Variants in WDR72 observed in about 807,000 individuals in gnomAD.
WDR72 encodes the protein WD repeat-containing protein 72.
Under a neutral mutation model 124.2 loss-of-function variants are expected in WDR72, and 120 were observed. The ratio of observed to expected loss-of-function variants is 0.97; its 90% CI spans 0.83 to 1.12. The LOEUF is 1.12. WDR72 is among the 50% of genes most tolerant of loss of function. WDR72 has a pLI of 0.00. For synonymous variants in WDR72, 452 were observed against 441.7 expected (o/e 1.02, Z -0.29); for missense variants, 1,387 against 1,278.8 (o/e 1.08, Z -1.29).
intron 12 of WDR72, among the ~76,000 whole-genome samples, chr15:53,701,409 T>C (rs1413358491): frequency 6.6e-6 from 1 of 151,924 alleles, no homozygotes; most frequent in African/African-American, 2.4e-5. Context: ...GTAGCTGGAC[T>C]ACATGCCTGT....
rs67873847 is a variant in WDR72 at position 53,591,685 on chromosome 15, A to AACAC, written c.3148+5390_3148+5393dup. On this transcript the variant is annotated intron_variant, in intron 18 of 19. Transcript: ENST00000360509. ...ACACATATATACATACAACACACAC[A>AACAC]ACACACACACACACACACACACACA... is the stretch of plus-strand genomic sequence containing the variant. 4.0e-3 allele frequency among the ~76,000 whole-genome samples: 596 copies of AACAC among 148,982 alleles called. 1 individual carries two copies. Among genetic ancestry groups the AACAC allele is most frequent in the East Asian group, 9.2e-3 (45 of 4,892 alleles).
chr15:53,588,584 G>C (rs1265022534), intron 18 of WDR72, among the ~76,000 whole-genome samples: 2 of 151,890 alleles, frequency 1.3e-5, no homozygotes, highest in Non-Finnish European at 2.9e-5. Flanking sequence ...CATTCTGATG[G>C]GAATGGGATA....
rs552252764 is a variant in WDR72 at position 53,697,133 on chromosome 15, C to T, written c.1765+2617G>A. On this transcript the variant is annotated intron_variant, in intron 13 of 19. Coordinates refer to ENST00000360509, the MANE Select transcript of WDR72 (RefSeq NM_182758.4). ...CTAAACCTATGCATACTGTTTGATACGGAAATTCTAAAACAAACTTTTTAT... is the reference window on the plus strand; with the variant it reads ...CTAAACCTATGCATACTGTTTGATATGGAAATTCTAAAACAAACTTTTTAT... Among the ~76,000 whole-genome samples the T allele has an allele frequency of 3.3e-4, 51 of 152,278 alleles. 1 individual carries two copies. The highest frequency in any genetic ancestry group is 3.1e-3 in the East Asian group (16 of 5,178).
At chr15:53,651,955 T>C (rs974460692) in intron 14 of WDR72, 3 of 152,174 alleles carry the variant, frequency 2.0e-5, no homozygotes, top group African/African-American at 7.2e-5. Flanking sequence ...GCCCAGTCCA[T>C]AGTTAATTTA....
intron 18 of WDR72, among the ~76,000 whole-genome samples, chr15:53,580,569 G>A (rs531486875): frequency 1.3e-5 from 2 of 152,024 alleles, no homozygotes; most frequent in African/African-American, 2.4e-5. Flanking sequence ...AGCTAGCTTG[G>A]TAGGCACTGG....
intron 18 of WDR72, among the ~76,000 whole-genome samples, chr15:53,584,765 C>G (rs894805669): frequency 1.3e-5 from 2 of 151,946 alleles, no homozygotes; most frequent in African/African-American, 4.8e-5. Context: ...CCATGTCCTG[C>G]CCACACCAAA....
rs745584929 is a variant in WDR72, at chr15:53,705,950, G to A, written c.1079C>T (p.Ser360Phe). 1 of 1,614,032 alleles carries A rather than the reference G, an allele frequency of 6.2e-7. No homozygotes were observed. The highest frequency in any genetic ancestry group is 1.1e-5 in the South Asian group (1 of 91,074). Residue 360 changes from serine to phenylalanine, a missense_variant, in exon 10 of 20, where the codon TCC becomes TTC. Physicochemically the swap from Ser to Phe is radical, Grantham distance 155. Coordinates refer to ENST00000360509, the MANE Select transcript of WDR72 (RefSeq NM_182758.4). ...ACCTCTAGGAGAACCATCAAACTTG[G>A]ATACAGGAACATCAGGGATGTGCCA... is the stretch of plus-strand genomic sequence containing the variant. ...TLWHIPDVPV[S>F]KFDGSPREIP...
chr15:53,599,437 A>G (rs2012942217), intron 17 of WDR72, among the ~76,000 whole-genome samples: 1 of 152,144 alleles, frequency 6.6e-6, no homozygotes, highest in Admixed American at 6.5e-5. Flanking sequence ...CCAACCTTTG[A>G]CAAGCCACAA....
At chr15:53,693,678 A>C (rs1302166878) in intron 13 of WDR72, among the ~76,000 whole-genome samples, 1 of 152,230 alleles carries the variant, frequency 6.6e-6, no homozygotes, top group East Asian at 1.9e-4. Flanking sequence ...ATTTCTAATA[A>C]GAAAAAGAAA....
chr15:53,666,701 T>C (rs1567014647), intron 13 of WDR72, among the ~76,000 whole-genome samples: 1 of 152,218 alleles, frequency 6.6e-6, no homozygotes, highest in Non-Finnish European at 1.5e-5. Flanking sequence ...GTACTATTTA[T>C]ATTGTTAAGA....
chr15:53,711,669 G>A lies in WDR72; in HGVS notation c.712-188C>T, dbSNP rs558068931. On this transcript the variant is annotated intron_variant, in intron 7 of 19. Transcript: ENST00000360509. ...TATATTTATCTTAGGGTAGGTTTCA[G>A]GGGATACAGTTCATCTGGTTATATC... is the stretch of plus-strand genomic sequence containing the variant. 3.3e-5 allele frequency among the ~76,000 whole-genome samples: 5 copies of A among 152,184 alleles called. No individual in the cohort carries two copies. In the South Asian group the frequency reaches 1.0e-3, roughly 32 times the overall value.
chr15:53,663,605 G>C (rs1296489515), intron 14 of WDR72, among the ~76,000 whole-genome samples: 1 of 152,154 alleles, frequency 6.6e-6, no homozygotes, highest in Non-Finnish European at 1.5e-5. Flanking sequence ...GACACTTGAT[G>C]AATGAGATTT....
intron 19 of WDR72, among the ~76,000 whole-genome samples, chr15:53,520,920 A>ATCTT (rs1257904780): frequency 6.6e-6 from 1 of 152,060 alleles, no homozygotes; most frequent in Non-Finnish European, 1.5e-5. Flanking sequence ...TCTCATCAAA[A>ATCTT]TCTTTCTTAC....
At chr15:53,639,267 G>A (rs2014742641) in intron 14 of WDR72, among the ~76,000 whole-genome samples, 1 of 151,812 alleles carries the variant, frequency 6.6e-6, no homozygotes, top group Non-Finnish European at 1.5e-5. Flanking sequence ...ATATGTGGAC[G>A]ACTCAACAGC....
chr15:53,612,516 A>G lies in WDR72; in HGVS notation c.2872+1150T>C, dbSNP rs113651267. 2.2e-3 allele frequency among the ~76,000 whole-genome samples: 336 copies of G among 152,114 alleles called. 2 individuals are homozygous for G. The highest frequency in any genetic ancestry group is 7.8e-3 in the African/African-American group (325 of 41,508). On this transcript the variant is annotated intron_variant, in intron 16 of 19. Transcript: ENST00000360509. ...TCTAGGGAAAGAACACCACAGGCAA[A>G]GGTACAGCTAATGCAAAGGTCCTCA...
chr15:53,563,573 A>G (rs1426693790), intron 18 of WDR72, among the ~76,000 whole-genome samples: 3 of 151,804 alleles, frequency 2.0e-5, no homozygotes, highest in African/African-American at 2.4e-5. Flanking sequence ...TATTAAGCCC[A>G]TTTAAAAATG....
At chr15:53,690,536 T>C (rs1347590348) in intron 13 of WDR72, among the ~76,000 whole-genome samples, 1 of 152,206 alleles carries the variant, frequency 6.6e-6, no homozygotes, top group Non-Finnish European at 1.5e-5. Flanking sequence ...AATCATACAA[T>C]ATGTGCATTT....
At chr15:53,572,103 A>T (rs888375134) in intron 18 of WDR72, among the ~76,000 whole-genome samples, 1 of 152,006 alleles carries the variant, frequency 6.6e-6, no homozygotes, top group African/African-American at 2.4e-5. Flanking sequence ...TTCCTTATAT[A>T]TTTTGAATAT....
At chr15:53,560,306 G>A (rs1157394128) in intron 18 of WDR72, among the ~76,000 whole-genome samples, 6 of 151,928 alleles carry the variant, frequency 3.9e-5, no homozygotes, top group Admixed American at 6.6e-5. Flanking sequence ...TGATGCACAC[G>A]GTAGGGGTTT....
Sources: allele counts gnomAD v4.1 joint callset (sites outside exome capture counted in the v4.1 genomes callset), GRCh38; gene constraint gnomAD v4.1.1; transcripts MANE v1.5; gene names NCBI Gene and HGNC (gene_info 2026-07-23, HGNC 2026-07-21).